The following SBSPON variants were observed in gnomAD, a reference collection of about 807,000 sequenced individuals.
SBSPON encodes somatomedin B and thrombospondin type 1 domain containing.
SBSPON carries 30 observed loss-of-function variants against 35.8 expected under a neutral mutation model. The observed-to-expected ratio is 0.84, with a 90% CI of 0.63 to 1.14. The LOEUF is 1.14. SBSPON is among the 50% of genes most tolerant of loss of function. The pLI, the probability that SBSPON is intolerant of heterozygous loss-of-function variation, is 0.00. For missense variants in SBSPON, 364 were observed against 357.7 expected, an observed-to-expected ratio of 1.02 and a Z score of -0.14; for synonymous variants, 136 against 135.9, an observed-to-expected ratio of 1.00 and a Z score of 0.00.
intron 1 of SBSPON, among the ~76,000 whole-genome samples, chr8:73,086,542 C>G (rs1312330113): frequency 6.6e-6 from 1 of 152,144 alleles, no homozygotes; most frequent in African/African-American, 2.4e-5. Flanking sequence ...CCAAATGAGA[C>G]TACATTCCCC....
chr8:73,089,280 T>C (rs541273846), intron 1 of SBSPON, among the ~76,000 whole-genome samples: 1 of 152,238 alleles, frequency 6.6e-6, no homozygotes, highest in East Asian at 1.9e-4. Flanking sequence ...TGGCTGGGCA[T>C]GGTAAGCTCA....
In SBSPON at chr8:73,066,397, T is replaced by G. The variant is rs1015928004; in HGVS notation, c.*944A>C. ...ATAAAATAAGGAGACTAACATTTCC[T>G]TGTGTGTGTGTGAGATCGTAGCACC... On this transcript the variant is annotated 3_prime_UTR_variant, in exon 5 of 5. Transcript: ENST00000297354. 1.4e-4 allele frequency: 21 copies of G among 152,098 alleles called. No individual in the cohort carries two copies. The highest frequency in any genetic ancestry group is 1.5e-5 in the Non-Finnish European group (1 of 68,020). The allele number at this position is 152,098 out of a possible 1,614,324, so 9.4% of individuals were successfully genotyped here. A position where few individuals can be genotyped will look rare whatever the true frequency, so the allele number is the denominator to read the frequency against.
intron 1 of SBSPON, 42 bp downstream of exon 1, chr8:73,092,812 C>G: frequency 6.6e-7 from 1 of 1,519,974 alleles, no homozygotes; most frequent in South Asian, 1.1e-5. Flanking sequence ...CCGTTGGTTG[C>G]AGGCTAACGG....
intron 3 of SBSPON, 148 bp from the exon 4 acceptor site, chr8:73,070,129 C>CT (rs138332692): frequency 0.01 from 5,552 of 533,528 alleles, 250 homozygotes; most frequent in African/African-American, 0.097. Flanking sequence ...TGTCAATCAC[C>CT]TTTAAGGTTT....
intron 2 of SBSPON, chr8:73,074,688 G>T: frequency 2.3e-6 from 1 of 435,508 alleles, no homozygotes; most frequent in Non-Finnish European, 3.0e-6. Context: ...GAATCATTAT[G>T]CTCTATGTGA....
Position 73,065,159 on chromosome 8 carries a change from G to C in SBSPON, c.*2182C>G, listed in dbSNP as rs1018112239. ...AGCCCATAAAATTTTCTCAAGAATA[G>C]AAATAACAAAAATTTAACTTCAATA... On this transcript the variant is annotated 3_prime_UTR_variant, in exon 5 of 5. Coordinates refer to ENST00000297354, the MANE Select transcript of SBSPON (RefSeq NM_153225.4). 3.3e-5 allele frequency: 5 copies of C among 151,992 alleles called. No homozygotes were observed. The highest frequency in any genetic ancestry group is 1.2e-4 in the African/African-American group (5 of 41,404). 9.4% of individuals were successfully genotyped at this position (151,992 alleles called of 1,614,324 possible). A position where few individuals can be genotyped will look rare whatever the true frequency, so the allele number is the denominator to read the frequency against.
intron 1 of SBSPON, among the ~76,000 whole-genome samples, chr8:73,086,978 G>C (rs1395499928): frequency 6.6e-6 from 1 of 152,160 alleles, no homozygotes; most frequent in Non-Finnish European, 1.5e-5. Flanking sequence ...GGTGGGGATG[G>C]GTGGGACGAC....
rs1383798903 is a variant in SBSPON, at chr8:73,069,832, C to A, written c.650G>T (p.Cys217Phe). Residue 217 changes from cysteine to phenylalanine, a missense_variant, in exon 4 of 5, where the codon TGT becomes TTT. Physicochemically the swap from Cys to Phe is radical, Grantham distance 205 (BLOSUM62 -2). Coordinates refer to ENST00000297354, the MANE Select transcript of SBSPON (RefSeq NM_153225.4). ...PPAMNSVSLRCSGDGLDSDGN... is the reference protein window; with the variant it reads ...PPAMNSVSLRFSGDGLDSDGN... ...ATCGGAGTCCAGGCCATCTCCAGAA[C>A]AACGAAGGCTCACAGAGTTCATAGC... is the stretch of plus-strand genomic sequence containing the variant. 7.4e-6 allele frequency: 12 copies of A among 1,614,002 alleles called. No individual in the cohort carries two copies. Among genetic ancestry groups the A allele is most frequent in the Middle Eastern group, 1.6e-4 (1 of 6,084 alleles).
rs561443950 is a variant in SBSPON at position 73,064,657 on chromosome 8, G to A, written c.*2684C>T. 3 of 152,126 alleles carry A rather than the reference G, an allele frequency of 2.0e-5. No individual in the cohort carries two copies. Among genetic ancestry groups the A allele is most frequent in the South Asian group, 2.1e-4 (1 of 4,824 alleles). The allele number at this position is 152,126 out of a possible 1,614,324, so 9.4% of individuals were successfully genotyped here. On this transcript the variant is annotated 3_prime_UTR_variant, in exon 5 of 5. Transcript: ENST00000297354. ...AAACACTTTAAATTATTGCTGTTGC[G>A]GTTTATGCTTAATTGTAACATTCTC...
At chr8:73,081,278 C>T in intron 1 of SBSPON, 65 bp from the exon 2 acceptor site, 3 of 1,361,172 alleles carry the variant, frequency 2.2e-6, no homozygotes, top group Non-Finnish European at 3.0e-6. Context: ...GCTGTTCCCG[C>T]CAACACAAAC....
intron 1 of SBSPON, among the ~76,000 whole-genome samples, chr8:73,090,457 C>T (rs1002216516): frequency 3.3e-5 from 5 of 152,242 alleles, no homozygotes; most frequent in African/African-American, 4.8e-5. Flanking sequence ...AGGCGGTGAC[C>T]GCCCTGCCCA....
intron 2 of SBSPON, among the ~76,000 whole-genome samples, chr8:73,080,787 C>T (rs1259381121): frequency 6.6e-6 from 1 of 152,090 alleles, no homozygotes; most frequent in Non-Finnish European, 1.5e-5. Flanking sequence ...AATGGGCCAT[C>T]GGATTATAAA....
chr8:73,071,018 A>T (rs188960858), intron 3 of SBSPON, among the ~76,000 whole-genome samples: 11 of 152,266 alleles, frequency 7.2e-5, no homozygotes, highest in African/African-American at 2.2e-4. Flanking sequence ...AGCTCTTTTT[A>T]AAAAAGTATT....
chr8:73,074,942 G>T (rs1373922126), intron 2 of SBSPON, among the ~76,000 whole-genome samples: 1 of 152,220 alleles, frequency 6.6e-6, no homozygotes, highest in African/African-American at 2.4e-5. Flanking sequence ...GAAAACTGAG[G>T]CTCACCGAGG....
intron 1 of SBSPON, among the ~76,000 whole-genome samples, chr8:73,091,441 C>G (rs1449807541): frequency 1.3e-5 from 2 of 152,158 alleles, no homozygotes; most frequent in Admixed American, 6.5e-5. Flanking sequence ...TCTATCCCTG[C>G]GCTTACCACA....
chr8:73,071,227 TCTC>T (rs1810487607), intron 3 of SBSPON, among the ~76,000 whole-genome samples: 2 of 152,180 alleles, frequency 1.3e-5, no homozygotes, highest in Non-Finnish European at 2.9e-5. Flanking sequence ...TTATTAACAG[TCTC>T]ATTTTTTAGG....
At chr8:73,084,056 A>G (rs2130028693) in intron 1 of SBSPON, among the ~76,000 whole-genome samples, 1 of 152,370 alleles carries the variant, frequency 6.6e-6, no homozygotes, top group Non-Finnish European at 1.5e-5. Context: ...GGGAGACAGA[A>G]GAGAGCACAG....
At chr8:73,083,335 T>TA (rs1810753683) in intron 1 of SBSPON, among the ~76,000 whole-genome samples, 1 of 152,114 alleles carries the variant, frequency 6.6e-6, no homozygotes, top group Admixed American at 6.5e-5. Flanking sequence ...TGAGACAAAA[T>TA]AAAAAACACT....
chr8:73,091,040 T>C (rs140316787), intron 1 of SBSPON, among the ~76,000 whole-genome samples: 187 of 152,302 alleles, frequency 1.2e-3, no homozygotes, highest in African/African-American at 4.3e-3. Flanking sequence ...TCTCCTTGTC[T>C]CTCCTCATCC....
Sources: allele counts gnomAD v4.1 joint callset (sites outside exome capture counted in the v4.1 genomes callset), GRCh38; gene constraint gnomAD v4.1.1; transcripts MANE v1.5; gene names NCBI Gene and HGNC (gene_info 2026-07-23, HGNC 2026-07-21).